IQSEC1: variants seen among roughly 807,000 people sequenced by gnomAD.
The protein encoded by IQSEC1 is IQ motif and Sec7 domain ArfGEF 1.
Under a neutral mutation model 91.0 loss-of-function variants are expected in IQSEC1, and 31 were observed. The ratio of observed to expected loss-of-function variants is 0.34; its 90% CI spans 0.26 to 0.46. IQSEC1 has a LOEUF of 0.46. Ranked by LOEUF, IQSEC1 falls within the 20% of genes least tolerant of loss-of-function variation. The probability of loss-of-function intolerance (pLI) is 1.00; values close to 1 mark genes in which losing one functional copy is unlikely to be tolerated. For missense variants in IQSEC1, 1,388 were observed against 1,575.6 expected (o/e 0.88, Z 2.02); for synonymous variants, 699 against 662.6 (o/e 1.05, Z -0.84).
chr3:13,015,386 C>T (rs985883219), intron 1 of IQSEC1, among the ~76,000 whole-genome samples: 1 of 152,064 alleles, frequency 6.6e-6, no homozygotes, highest in African/African-American at 2.4e-5. Context: ...TGTTCCTGGG[C>T]CCAGGGCGAG....
chr3:13,276,331 G>A (rs1336913967), intron 1 of IQSEC1, among the ~76,000 whole-genome samples: 2 of 151,812 alleles, frequency 1.3e-5, no homozygotes, highest in African/African-American at 2.4e-5. Context: ...CTCGTGATCC[G>A]CCCGCCTCGG....
intron 1 of IQSEC1, among the ~76,000 whole-genome samples, chr3:13,005,829 C>T (rs755967123): frequency 6.6e-6 from 1 of 152,130 alleles, no homozygotes; most frequent in Non-Finnish European, 1.5e-5. Context: ...ATTTGAGGGT[C>T]CCCCTTGCAG....
intron 1 of IQSEC1, among the ~76,000 whole-genome samples, chr3:13,226,450 G>A (rs1384641084): frequency 2.6e-5 from 4 of 151,996 alleles, no homozygotes; most frequent in South Asian, 2.1e-4. Flanking sequence ...GGACACATCC[G>A]GGAACAAAAT....
At chr3:13,037,376 T>G (rs1221825172) in intron 1 of IQSEC1, among the ~76,000 whole-genome samples, 1 of 152,140 alleles carries the variant, frequency 6.6e-6, no homozygotes, top group Non-Finnish European at 1.5e-5. Context: ...TGTCGAAAAA[T>G]GGGACATCAC....
At chr3:13,154,288 G>A (rs995233796) in intron 2 of IQSEC1, among the ~76,000 whole-genome samples, 5 of 150,446 alleles carry the variant, frequency 3.3e-5, no homozygotes, top group African/African-American at 1.2e-4. Flanking sequence ...ACCCCAAGCT[G>A]CCAGACACGC....
Position 13,100,142 on chromosome 3 carries a change from G to A in IQSEC1, c.303-52620C>T, listed in dbSNP as rs1281117162. The stretch of plus-strand genomic sequence containing the variant: ...GGAGCCATGAGAGCAGTGAGGAGGT[G>A]GGGCAACTAGGCTTGGGAGAGACTC... On this transcript the variant is annotated intron_variant, in intron 2 of 15. Transcript: ENST00000648114. 4.1e-5 allele frequency among the ~76,000 whole-genome samples: 6 copies of A among 147,932 alleles called. 2 individuals are homozygous for A. Among genetic ancestry groups the A allele is most frequent in the African/African-American group, 1.5e-4 (6 of 39,000 alleles).
chr3:13,053,027 A>G, intron 1 of IQSEC1: 1 of 1,155,320 alleles, frequency 8.7e-7, no homozygotes, highest in Non-Finnish European at 1.3e-6. Context: ...TGATTTTATT[A>G]CCAGTTTTCA....
At chr3:13,234,077 A>G (rs1278602756) in intron 1 of IQSEC1, among the ~76,000 whole-genome samples, 1 of 152,226 alleles carries the variant, frequency 6.6e-6, no homozygotes, top group Admixed American at 6.5e-5. Context: ...AGCTTCCCCT[A>G]GCTCTCCAAT....
At chr3:13,017,557 G>T (rs1703193138) in intron 1 of IQSEC1, among the ~76,000 whole-genome samples, 1 of 152,208 alleles carries the variant, frequency 6.6e-6, no homozygotes, top group Non-Finnish European at 1.5e-5. Flanking sequence ...CAAAGCCTTG[G>T]ACTCAGGTCC....
At chr3:13,099,295 A>G (rs1457048267) in intron 2 of IQSEC1, among the ~76,000 whole-genome samples, 1 of 152,238 alleles carries the variant, frequency 6.6e-6, no homozygotes, top group Non-Finnish European at 1.5e-5. Context: ...GCACCAGAAT[A>G]TAGCTGGTGG....
At chr3:13,248,730 C>T (rs1365868675) in intron 1 of IQSEC1, among the ~76,000 whole-genome samples, 2 of 133,454 alleles carry the variant, frequency 1.5e-5, no homozygotes, top group South Asian at 4.6e-4. Context: ...CTAATCACGT[C>T]GTACAGACCA....
chr3:12,965,471 C>G (rs1700503456), intron 1 of IQSEC1, among the ~76,000 whole-genome samples: 2 of 152,220 alleles, frequency 1.3e-5, no homozygotes, highest in Admixed American at 6.5e-5. Flanking sequence ...CCCCAAGCTT[C>G]CCATGGAACC....
chr3:13,048,466 C>T (rs1362606749), intron 1 of IQSEC1, among the ~76,000 whole-genome samples: 2 of 152,240 alleles, frequency 1.3e-5, no homozygotes, highest in Non-Finnish European at 2.9e-5. Flanking sequence ...CACCCACACC[C>T]CCCATCGCTG....
At chr3:13,260,405 A>G (rs2125128910) in intron 1 of IQSEC1, among the ~76,000 whole-genome samples, 1 of 152,296 alleles carries the variant, frequency 6.6e-6, no homozygotes, top group Admixed American at 6.5e-5. Flanking sequence ...CTGATGTGCA[A>G]CACCCCCATT....
At chr3:13,112,659 T>C (rs917864517) in intron 2 of IQSEC1, among the ~76,000 whole-genome samples, 2 of 152,278 alleles carry the variant, frequency 1.3e-5, no homozygotes, top group Admixed American at 1.3e-4. Flanking sequence ...GGCCAGGTGG[T>C]CCCGCAGCAG....
At position 12,909,515 on chromosome 3, in the gene IQSEC1, G is replaced by T. The variant is rs1235990149; in HGVS notation, c.2417-81C>A. The T allele has an allele frequency of 1.4e-6, 2 of 1,402,624 alleles. No homozygotes were observed. The highest frequency in any genetic ancestry group is 2.0e-6 in the Non-Finnish European group (2 of 1,009,424). 86.9% of individuals were successfully genotyped at this position (1,402,624 alleles called of 1,614,324 possible). A position where few individuals can be genotyped will look rare whatever the true frequency, so the allele number is the denominator to read the frequency against. On this transcript the variant is annotated intron_variant, in intron 10 of 13. Coordinates refer to ENST00000613206, the MANE Select transcript of IQSEC1 (RefSeq NM_001134382.3). This position sits in a 1 kb window ranked among gnomAD's most constrained non-coding sequence, Gnocchi z 4.9. ...ATCTCCTCTCTGGTCAGGAAACAAT[G>T]GTAGGGCTGAGTTGTGCGTGAGCCT...
At chr3:13,174,796 C>G (rs913824169) in intron 1 of IQSEC1, among the ~76,000 whole-genome samples, 26 of 152,006 alleles carry the variant, frequency 1.7e-4, no homozygotes, top group African/African-American at 6.0e-4. Flanking sequence ...GTCAAGCCAG[C>G]ATCACCTGGG....
At chr3:13,060,072 C>T (rs1351709104) in intron 1 of IQSEC1, among the ~76,000 whole-genome samples, 2 of 152,216 alleles carry the variant, frequency 1.3e-5, no homozygotes, top group Admixed American at 6.5e-5. Flanking sequence ...TGCTGAGTGC[C>T]ACTGTGTGCC....
At chr3:13,128,299 A>T (rs1162591130) in intron 2 of IQSEC1, among the ~76,000 whole-genome samples, 1 of 152,220 alleles carries the variant, frequency 6.6e-6, no homozygotes, top group African/African-American at 2.4e-5. Context: ...TGCTATCAGT[A>T]GGTTTTTTGT....
Sources: allele counts gnomAD v4.1 joint callset (sites outside exome capture counted in the v4.1 genomes callset), GRCh38; gene constraint gnomAD v4.1.1; non-coding constraint Gnocchi (gnomAD v3.1); transcripts MANE v1.5; gene names NCBI Gene and HGNC (gene_info 2026-07-23, HGNC 2026-07-21).